GLIS1: variants seen among roughly 807,000 people sequenced by gnomAD.
GLIS1 encodes the protein zinc finger protein GLIS1.
Under a neutral mutation model 63.8 loss-of-function variants are expected in GLIS1, and 24 were observed. The observed-to-expected ratio is 0.38, with a 90% CI of 0.27 to 0.53. The LOEUF is 0.53. Among genes scored for constraint, GLIS1 ranks in the 20% least tolerant of loss-of-function variants. The probability of loss-of-function intolerance (pLI) is 0.85; values close to 1 mark genes in which losing one functional copy is unlikely to be tolerated. For synonymous variants in GLIS1, 450 were observed against 482.5 expected, an observed-to-expected ratio of 0.93 and a Z score of 0.88; for missense variants, 1,036 against 1,074.1, an observed-to-expected ratio of 0.96 and a Z score of 0.50.
chr1:53,582,750 C>T lies in GLIS1; in HGVS notation c.1320+11358G>A, dbSNP rs77777777. On this transcript the variant is annotated intron_variant, in intron 4 of 10. Transcript: ENST00000628545. ...TGAGGGATGCTGAGCTTGCCTCTTT[C>T]GCTCTGCAATTTCCAGTGAGCCACA... Among the ~76,000 whole-genome samples the T allele has an allele frequency of 3.3e-4, 51 of 152,314 alleles. 1 individual carries two copies. The East Asian group carries it at 7.7e-3, about 23-fold the overall frequency.
intron 4 of GLIS1, among the ~76,000 whole-genome samples, chr1:53,562,102 C>T (rs1378762234): frequency 6.6e-6 from 1 of 152,152 alleles, no homozygotes; most frequent in African/African-American, 2.4e-5. Flanking sequence ...ATCTGTCTGC[C>T]AGGAATAAGT....
In GLIS1 at chr1:53,520,618, C is replaced by T. The variant is rs754394982; in HGVS notation, c.1726+16G>A. On this transcript the variant is annotated intron_variant, in intron 7 of 10. Coordinates refer to ENST00000628545, the MANE Select transcript of GLIS1 (RefSeq NM_001367484.1). ...TCCTGGGCTACGCCCCTGGCCCTGCCTCCCCGCACACGTACCTGGGAGCAG... is the reference window on the plus strand; with the variant it reads ...TCCTGGGCTACGCCCCTGGCCCTGCTTCCCCGCACACGTACCTGGGAGCAG... The T allele has an allele frequency of 1.3e-6, 2 of 1,596,658 alleles. No individual in the cohort carries two copies. Among genetic ancestry groups the T allele is most frequent in the African/African-American group, 1.3e-5 (1 of 74,536 alleles).
chr1:53,512,521 G>A (rs77577455), intron 8 of GLIS1, among the ~76,000 whole-genome samples: 1 of 152,170 alleles, frequency 6.6e-6, no homozygotes, highest in South Asian at 2.1e-4. Flanking sequence ...ACGAGTGGCC[G>A]TTCCTTGTTG....
chr1:53,516,552 C>G (rs1011730855), intron 7 of GLIS1, among the ~76,000 whole-genome samples: 1 of 152,064 alleles, frequency 6.6e-6, no homozygotes, highest in Non-Finnish European at 1.5e-5. Context: ...AAAAAACAAG[C>G]CTGTAATCCC....
rs186992198 is a variant in GLIS1, at chr1:53,539,097, C to T, written c.1321-9145G>A. ...CCAGGGCTCCGCAGAGAGCACACAG[C>T]ATAGAATGGCTGACACATGTACACC... On this transcript the variant is annotated intron_variant, in intron 4 of 10. Transcript: ENST00000628545. This position sits in a 1 kb window ranked among gnomAD's most constrained non-coding sequence, Gnocchi z 5.0. Among the ~76,000 whole-genome samples the T allele has an allele frequency of 1.1e-4, 16 of 152,110 alleles. No homozygotes were observed. The highest frequency in any genetic ancestry group is 2.2e-4 in the Non-Finnish European group (15 of 67,978).
At chr1:53,513,292 C>T (rs1644316792) in intron 8 of GLIS1, among the ~76,000 whole-genome samples, 2 of 152,166 alleles carry the variant, frequency 1.3e-5, no homozygotes, top group Non-Finnish European at 2.9e-5. Context: ...CAGCGCCCCA[C>T]AGTCCACCCC....
intron 2 of GLIS1, among the ~76,000 whole-genome samples, chr1:53,668,504 G>C (rs1646118569): frequency 6.6e-6 from 1 of 152,150 alleles, no homozygotes; most frequent in African/African-American, 2.4e-5. Context: ...TGAGACTATA[G>C]GTGCACGCCA....
At chr1:53,689,441 C>A (rs187871409) in intron 2 of GLIS1, among the ~76,000 whole-genome samples, 88 of 152,262 alleles carry the variant, frequency 5.8e-4, no homozygotes, top group Non-Finnish European at 9.6e-4. Context: ...ACCAAGTTGA[C>A]CCACCTGTTG....
chr1:53,570,952 T>G (rs1644978446), intron 4 of GLIS1, among the ~76,000 whole-genome samples: 1 of 152,066 alleles, frequency 6.6e-6, no homozygotes, highest in Admixed American at 6.5e-5. Context: ...AAGGAAAGAT[T>G]GATAAATTCC....
intron 4 of GLIS1, among the ~76,000 whole-genome samples, chr1:53,573,759 G>C (rs1234265200): frequency 6.6e-6 from 1 of 152,220 alleles, no homozygotes; most frequent in African/African-American, 2.4e-5. Flanking sequence ...CAGGGTGTCA[G>C]GGTCGGAGCT....
chr1:53,523,529 C>T (rs1025147317), intron 6 of GLIS1, among the ~76,000 whole-genome samples: 5 of 152,164 alleles, frequency 3.3e-5, no homozygotes, highest in African/African-American at 7.2e-5. Context: ...CCAATAAATG[C>T]GATCTTCCCA....
At chr1:53,608,446 G>A (rs571635963) in intron 2 of GLIS1, among the ~76,000 whole-genome samples, 3 of 152,260 alleles carry the variant, frequency 2.0e-5, no homozygotes, top group South Asian at 2.1e-4. Flanking sequence ...TAGGATTCAC[G>A]CCCTCCTTTT....
intron 2 of GLIS1, among the ~76,000 whole-genome samples, chr1:53,715,852 G>A (rs1203465166): frequency 1.3e-5 from 2 of 152,196 alleles, no homozygotes; most frequent in Admixed American, 6.5e-5. Flanking sequence ...AATGGGAAGT[G>A]AGGGAAGAAA....
intron 2 of GLIS1, among the ~76,000 whole-genome samples, chr1:53,658,463 T>C (rs567239566): frequency 2.6e-5 from 4 of 152,170 alleles, no homozygotes; most frequent in African/African-American, 9.6e-5. Context: ...CCCTAAGCAG[T>C]CTACAGGAAA....
chr1:53,546,712 T>C (rs1011483208), intron 4 of GLIS1, among the ~76,000 whole-genome samples: 1 of 152,224 alleles, frequency 6.6e-6, no homozygotes, highest in African/African-American at 2.4e-5. Flanking sequence ...TATCATTCTC[T>C]TCTGCGGCCA....
chr1:53,552,653 C>T (rs1002154110), intron 4 of GLIS1, among the ~76,000 whole-genome samples: 3 of 152,224 alleles, frequency 2.0e-5, no homozygotes, highest in Non-Finnish European at 4.4e-5. Context: ...CATCCATCCT[C>T]CCAGCTGAAT....
At position 53,574,333 on chromosome 1, in the gene GLIS1, C is replaced by T. The variant is rs1645011536; in HGVS notation, c.1320+19775G>A. On this transcript the variant is annotated intron_variant, in intron 4 of 10. Transcript: ENST00000628545. The surrounding 1 kb of genome is among the most constrained non-coding windows in gnomAD (Gnocchi z 4.2). ...AATATGCACCGCTCTGTACCCAGAA[C>T]ATGCACATGGCCTGGCATATTCTGG... is the stretch of plus-strand genomic sequence containing the variant. 6.6e-6 allele frequency among the ~76,000 whole-genome samples: 1 copy of T among 152,216 alleles called. No individual in the cohort carries two copies. Among genetic ancestry groups the T allele is most frequent in the Admixed American group, 6.5e-5 (1 of 15,286 alleles).
At chr1:53,665,749 T>C (rs1341718773) in intron 2 of GLIS1, among the ~76,000 whole-genome samples, 10 of 151,968 alleles carry the variant, frequency 6.6e-5, no homozygotes, top group African/African-American at 2.4e-5. Flanking sequence ...ATCAAGGAGG[T>C]AGGAGAACCA....
At chr1:53,614,850 ACT>A (rs981639829) in intron 2 of GLIS1, among the ~76,000 whole-genome samples, 5 of 151,150 alleles carry the variant, frequency 3.3e-5, no homozygotes, top group Non-Finnish European at 5.9e-5. Context: ...ACACACACGG[ACT>A]CTCACCCTCT....
Sources: gnomAD v4.1 joint callset for allele counts (sites outside exome capture counted in the v4.1 genomes callset) on GRCh38, gnomAD v4.1.1 for gene constraint, Gnocchi (gnomAD v3.1) non-coding constraint, MANE v1.5 for transcripts, NCBI Gene and HGNC (gene_info 2026-07-23, HGNC 2026-07-21) for gene names.